The following PMS1 variants were observed in gnomAD, a reference collection of about 807,000 sequenced individuals.
PMS1 encodes PMS1 homolog 1, mismatch repair system component.
PMS1 carries 79 observed loss-of-function variants against 93.1 expected under a neutral mutation model. The observed-to-expected ratio is 0.85, with a 90% confidence interval of 0.71 to 1.02. The LOEUF is 1.02. PMS1 is among the 50% of genes least tolerant of loss of function. The pLI, the probability that PMS1 is intolerant of heterozygous loss-of-function variation, is 0.00. For missense variants in PMS1, 1,064 were observed against 1,085.3 expected (o/e 0.98, Z 0.28); for synonymous variants, 335 against 363.4 (o/e 0.92, Z 0.89).
intron 5 of PMS1, among the ~76,000 whole-genome samples, chr2:189,840,919 G>A (rs988788725): frequency 6.6e-6 from 1 of 152,042 alleles, no homozygotes; most frequent in Non-Finnish European, 1.5e-5. Flanking sequence ...GTCTTCACTG[G>A]TACCCTCAAT....
chr2:189,836,338 T>C (rs1241854263), intron 5 of PMS1, among the ~76,000 whole-genome samples: 1 of 152,224 alleles, frequency 6.6e-6, no homozygotes, highest in Non-Finnish European at 1.5e-5. Flanking sequence ...TCATACTGAC[T>C]AGAGTCAGAT....
At chr2:189,800,939 G>C (rs1482000815) in intron 3 of PMS1, among the ~76,000 whole-genome samples, 2 of 152,192 alleles carry the variant, frequency 1.3e-5, no homozygotes, top group African/African-American at 4.8e-5. Context: ...TGAATGGTCA[G>C]TTTTCCTAAT....
intron 9 of PMS1, among the ~76,000 whole-genome samples, chr2:189,860,792 T>A (rs1013048705): frequency 6.9e-6 from 1 of 145,922 alleles, no homozygotes; most frequent in Non-Finnish European, 1.5e-5. Context: ...CTTCTATATC[T>A]TTGAGGAATT....
chr2:189,876,445 T>C (rs1019251738), intron 12 of PMS1, among the ~76,000 whole-genome samples: 1 of 152,134 alleles, frequency 6.6e-6, no homozygotes, highest in Non-Finnish European at 1.5e-5. Context: ...CACCAATTCC[T>C]CACCCTGTCC....
chr2:189,843,995 A>T lies in PMS1; in HGVS notation c.614A>T (p.Asp205Val), dbSNP rs752326070. The T allele has an allele frequency of 1.2e-6, 2 of 1,614,042 alleles. No homozygotes were observed. The highest frequency in any genetic ancestry group is 2.2e-5 in the South Asian group (2 of 91,086). The change falls in exon 6 of 13, where the codon GAT (aspartate) becomes GTT (valine). Residue 205 changes from aspartate (D) to valine (V), a missense_variant. Physicochemically the swap from Asp to Val is radical, Grantham distance 152. Transcript: ENST00000441310. Reference protein sequence around the residue: ...AVIWQKSRVSDHKMALMSVLG... With the variant: ...AVIWQKSRVSVHKMALMSVLG... ...ATTTGGCAGAAAAGCAGAGTATCAGATCACAAGATGGCTCTCATGTCAGTT... is the reference window on the plus strand; with the variant it reads ...ATTTGGCAGAAAAGCAGAGTATCAGTTCACAAGATGGCTCTCATGTCAGTT...
chr2:189,811,782 C>T (rs1325036224), intron 4 of PMS1, among the ~76,000 whole-genome samples: 1 of 152,118 alleles, frequency 6.6e-6, no homozygotes, highest in Non-Finnish European at 1.5e-5. Context: ...ATGTGTTGGA[C>T]AGGAGTGTTG....
chr2:189,808,619 C>G (rs1256042447), intron 4 of PMS1, among the ~76,000 whole-genome samples: 2 of 152,192 alleles, frequency 1.3e-5, no homozygotes, highest in Non-Finnish European at 2.9e-5. Context: ...GCGTGAGCCA[C>G]TGTGCCCAGC....
chr2:189,815,613 GC>G (rs1236078686), intron 4 of PMS1, among the ~76,000 whole-genome samples: 1 of 152,160 alleles, frequency 6.6e-6, no homozygotes, highest in Non-Finnish European at 1.5e-5. Flanking sequence ...AGGCCTCCCA[GC>G]CATGTGGAAC....
chr2:189,816,074 A>G (rs375888297), intron 4 of PMS1, among the ~76,000 whole-genome samples: 10 of 152,100 alleles, frequency 6.6e-5, no homozygotes, highest in African/African-American at 1.9e-4. Context: ...CTAATTTTTT[A>G]TTTTTAAAGA....
intron 4 of PMS1, among the ~76,000 whole-genome samples, chr2:189,815,241 G>A (rs1161837652): frequency 3.3e-5 from 5 of 152,188 alleles, no homozygotes; most frequent in African/African-American, 9.6e-5. Flanking sequence ...GACATCGGTA[G>A]GAGAGAAGAT....
intron 3 of PMS1, among the ~76,000 whole-genome samples, chr2:189,803,765 G>A (rs1431551664): frequency 6.6e-6 from 1 of 152,144 alleles, no homozygotes; most frequent in African/African-American, 2.4e-5. Flanking sequence ...GTACACTTAT[G>A]TGTTTGCTTT....
chr2:189,855,901 C>T (rs1280473941), intron 9 of PMS1: 3 of 1,053,670 alleles, frequency 2.8e-6, no homozygotes, highest in Admixed American at 6.9e-5. Flanking sequence ...GAAATTATAC[C>T]TCCAATCATA....
At chr2:189,829,328 C>T (rs1474982410) in intron 5 of PMS1, among the ~76,000 whole-genome samples, 1 of 152,190 alleles carries the variant, frequency 6.6e-6, no homozygotes, top group African/African-American at 2.4e-5. Context: ...CATAATTTCA[C>T]TGTTAATGTG....
In PMS1 at chr2:189,791,931, A is replaced by C. The variant is rs545600556; in HGVS notation, c.122A>C (p.Asp41Ala). The change falls in exon 2 of 13, where the codon GAT becomes GCT. Residue 41 changes from aspartate to alanine, a missense_variant. By Grantham distance (126) the Asp-to-Ala change is moderately radical. Transcript: ENST00000441310. Reference sequence around the variant, plus strand: ...TTGGATGCTGGTGCCACAAGCGTAGATGTTAAACTGGTGAGTGTCCTTGAG... The same window carrying C: ...TTGGATGCTGGTGCCACAAGCGTAGCTGTTAAACTGGTGAGTGTCCTTGAG... ...NSLDAGATSV[D>A]VKLENYGFDK... 5.3e-5 allele frequency: 85 copies of C among 1,613,898 alleles called. No homozygotes were observed. Among genetic ancestry groups the C allele is most frequent in the Non-Finnish European group, 6.7e-5 (79 of 1,179,894 alleles).
chr2:189,844,208 T>C, intron 6 of PMS1, 128 bp downstream of exon 6: 1 of 1,471,546 alleles, frequency 6.8e-7, no homozygotes, highest in Non-Finnish European at 9.2e-7. Context: ...GTGTGTAAGG[T>C]AAAACAGTCA....
intron 9 of PMS1, among the ~76,000 whole-genome samples, chr2:189,857,053 A>G (rs1490109776): frequency 6.6e-6 from 1 of 152,072 alleles, no homozygotes; most frequent in African/African-American, 2.4e-5. Context: ...TTAGCTTTGT[A>G]TTTAAAAGTG....
chr2:189,795,647 C>G, intron 2 of PMS1, 122 bp from the exon 3 acceptor site: 1 of 792,160 alleles, frequency 1.3e-6, no homozygotes, highest in Admixed American at 2.1e-5. Context: ...ACTCTTATAT[C>G]CATAATGCTA....
intron 9 of PMS1, among the ~76,000 whole-genome samples, chr2:189,860,026 C>T (rs2055783813): frequency 6.6e-6 from 1 of 152,092 alleles, no homozygotes. Flanking sequence ...TTTCTTTATT[C>T]ATCCTCTCTT....
chr2:189,790,839 G>A (rs2048800066), intron 1 of PMS1, among the ~76,000 whole-genome samples: 1 of 152,138 alleles, frequency 6.6e-6, no homozygotes, highest in Non-Finnish European at 1.5e-5. Context: ...AGAATTGATA[G>A]GATTTAGGAG....
Sources: gnomAD v4.1 joint callset for allele counts (sites outside exome capture counted in the v4.1 genomes callset) on GRCh38, gnomAD v4.1.1 for gene constraint, MANE v1.5 for transcripts, NCBI Gene and HGNC (gene_info 2026-07-23, HGNC 2026-07-21) for gene names.